The following SEMA4D variants were observed in gnomAD, a reference collection of about 807,000 sequenced individuals.
SEMA4D encodes semaphorin 4D, also known as semaphorin-4D.
A neutral mutation model predicts 74.8 loss-of-function variants in SEMA4D; 22 were observed. The ratio of observed to expected loss-of-function variants is 0.29; its 90% CI spans 0.21 to 0.42. SEMA4D has a LOEUF of 0.42. Among genes scored for constraint, SEMA4D ranks in the 10% least tolerant of loss-of-function variants. The pLI is 1.00. For synonymous variants in SEMA4D, 445 were observed against 463.7 expected (o/e 0.96, Z 0.52); for missense variants, 937 against 1,118.4 (o/e 0.84, Z 2.31).
rs564458358 is a variant in SEMA4D, at chr9:89,378,558, T to C, written c.*146A>G. The stretch of plus-strand genomic sequence containing the variant: ...GTCACAGGCTCAACCCAAGAGAAAA[T>C]AGACAAGAGGACTGAGGTTGTCTGC... On this transcript the variant is annotated 3_prime_UTR_variant, in exon 16 of 16. Coordinates refer to ENST00000422704, the MANE Select transcript of SEMA4D (RefSeq NM_001371194.2). The C allele has an allele frequency of 2.8e-4, 172 of 618,316 alleles. No homozygotes were observed. The highest frequency in any genetic ancestry group is 9.1e-4 in the Admixed American group (31 of 34,196). The allele number at this position is 618,316 out of a possible 1,614,324, so 38.3% of individuals were successfully genotyped here.
At chr9:89,460,553 G>A (rs1036986970) in intron 1 of SEMA4D, among the ~76,000 whole-genome samples, 1 of 152,204 alleles carries the variant, frequency 6.6e-6, no homozygotes, top group Admixed American at 6.5e-5. Context: ...GCACAGGTGA[G>A]AGCTTTGATT....
In SEMA4D at chr9:89,405,686, C is replaced by A; in HGVS notation, c.-230G>T. ...AAGCCCACTTGATACTTCTTCAGGG[C>A]CTCAGAAGAAATGCTGGAAGGACAT... On this transcript the variant is annotated 5_prime_UTR_variant, in exon 3 of 16. Coordinates refer to ENST00000422704, the MANE Select transcript of SEMA4D (RefSeq NM_001371194.2). 1 of 1,404,396 alleles carries A rather than the reference C, an allele frequency of 7.1e-7. No homozygotes were observed. Among genetic ancestry groups the A allele is most frequent in the Non-Finnish European group, 9.2e-7 (1 of 1,082,772 alleles). The allele number at this position is 1,404,396 out of a possible 1,614,324, so 87.0% of individuals were successfully genotyped here.
intron 2 of SEMA4D, among the ~76,000 whole-genome samples, chr9:89,409,218 G>A (rs1843978115): frequency 6.6e-6 from 1 of 152,234 alleles, no homozygotes; most frequent in African/African-American, 2.4e-5. Flanking sequence ...AGGACATTCT[G>A]GGAAAGGCAA....
At chr9:89,429,853 T>C (rs1227710042) in intron 2 of SEMA4D, among the ~76,000 whole-genome samples, 1 of 152,136 alleles carries the variant, frequency 6.6e-6, no homozygotes, top group East Asian at 1.9e-4. Context: ...GAAGTCTACA[T>C]GGTGGATGGA....
downstream of SEMA4D, chr9:89,376,720 A>C: frequency 7.1e-7 from 1 of 1,408,190 alleles, no homozygotes; most frequent in Non-Finnish European, 9.5e-7. Context: ...GCCAGGACAG[A>C]TAAGGAAGGT....
At chr9:89,465,819 C>G (rs1858542520) in intron 1 of SEMA4D, among the ~76,000 whole-genome samples, 1 of 152,332 alleles carries the variant, frequency 6.6e-6, no homozygotes, top group South Asian at 2.1e-4. Flanking sequence ...CAGGTGAGCC[C>G]TGGGTGGCCC....
intron 4 of SEMA4D, among the ~76,000 whole-genome samples, chr9:89,400,858 G>A (rs1447346580): frequency 6.6e-6 from 1 of 152,134 alleles, no homozygotes; most frequent in Middle Eastern, 3.2e-3. Context: ...CATTAACAGA[G>A]CAATGTCTGG....
At chr9:89,400,481 G>A (rs1841959914) in intron 4 of SEMA4D, among the ~76,000 whole-genome samples, 2 of 152,224 alleles carry the variant, frequency 1.3e-5, no homozygotes, top group Non-Finnish European at 2.9e-5. Flanking sequence ...GCTTCTAGGA[G>A]GGAGAGTATG....
intron 2 of SEMA4D, among the ~76,000 whole-genome samples, chr9:89,407,827 T>C (rs1843640996): frequency 6.6e-6 from 1 of 152,246 alleles, no homozygotes; most frequent in Non-Finnish European, 1.5e-5. Context: ...CTCTCCTGCC[T>C]GTCAACACCA....
intron 1 of SEMA4D, among the ~76,000 whole-genome samples, chr9:89,481,114 GGTAGATGGCA>G (rs1281946116): frequency 6.6e-6 from 1 of 152,258 alleles, no homozygotes; most frequent in Non-Finnish European, 1.5e-5. Flanking sequence ...CTCTCCGAGG[GGTAGATGGCA>G]GCAGATTGAG....
exon 19 of SEMA4D, chr9:89,362,287 T>TG: frequency 6.3e-7 from 1 of 1,584,860 alleles, no homozygotes. Flanking sequence ...AGAGCAGGCT[T>TG]GGGCAAGACA....
At chr9:89,478,713 T>C (rs1019030061) in intron 1 of SEMA4D, among the ~76,000 whole-genome samples, 1 of 151,986 alleles carries the variant, frequency 6.6e-6, no homozygotes, top group Non-Finnish European at 1.5e-5. Context: ...TGCCTCTTGT[T>C]CACACTCCAC....
At chr9:89,481,931 A>G (rs1824736976) in intron 1 of SEMA4D, among the ~76,000 whole-genome samples, 1 of 152,216 alleles carries the variant, frequency 6.6e-6, no homozygotes, top group Non-Finnish European at 1.5e-5. Context: ...CTGCAGAAGG[A>G]AGGAGGAGAT....
At chr9:89,478,819 C>A (rs1438290641) in intron 1 of SEMA4D, among the ~76,000 whole-genome samples, 1 of 148,770 alleles carries the variant, frequency 6.7e-6, no homozygotes, top group Non-Finnish European at 1.5e-5. Context: ...GGGCAGCCAC[C>A]GCTTTTGTTC....
rs773705106 is a variant in SEMA4D, at chr9:89,363,699, T to C, written c.2092+42A>G. The C allele has an allele frequency of 1.1e-5, 18 of 1,598,596 alleles. No homozygotes were observed. The South Asian group carries it at 1.4e-4, about 13-fold the overall frequency. ...CACTGCCATTGTAAATAGTGAAAAA[T>C]TACCTCATAAAAGGGTAACAGTGGG... On this transcript the variant is annotated intron_variant, in intron 17 of 18. Transcript: ENST00000339861.
At chr9:89,490,303 C>T (rs933231312) in intron 1 of SEMA4D, among the ~76,000 whole-genome samples, 11 of 152,138 alleles carry the variant, frequency 7.2e-5, no homozygotes, top group African/African-American at 2.4e-4. Flanking sequence ...CATCAAGTGC[C>T]GGTATGCACA....
intron 6 of SEMA4D, among the ~76,000 whole-genome samples, chr9:89,394,889 T>C (rs1840602495): frequency 6.6e-6 from 1 of 152,194 alleles, no homozygotes; most frequent in Non-Finnish European, 1.5e-5. Flanking sequence ...TTAGATATAA[T>C]GATAAAACTG....
At chr9:89,493,609 A>G (rs569939708) in intron 1 of SEMA4D, among the ~76,000 whole-genome samples, 2 of 152,336 alleles carry the variant, frequency 1.3e-5, no homozygotes, top group East Asian at 1.9e-4. Context: ...CACATTCTAC[A>G]TCAAGGCAAA....
intron 2 of SEMA4D, chr9:89,449,803 T>G: frequency 6.7e-7 from 1 of 1,492,140 alleles, no homozygotes; most frequent in East Asian, 2.3e-5. Flanking sequence ...AGCATTTTGG[T>G]AAATAACTGT....
Sources: allele counts gnomAD v4.1 joint callset (sites outside exome capture counted in the v4.1 genomes callset), GRCh38; gene constraint gnomAD v4.1.1; transcripts MANE v1.5; gene names NCBI Gene and HGNC (gene_info 2026-07-23, HGNC 2026-07-21).